Variants in PCDHGA8 observed in about 807,000 individuals in gnomAD.
PCDHGA8 encodes protocadherin gamma-A8.
In PCDHGA8, 45 loss-of-function variants were observed where a neutral mutation model predicts 59.2. The ratio of observed to expected loss-of-function variants is 0.76; its 90% CI spans 0.60 to 0.98. The LOEUF is 0.98. Among genes scored for constraint, PCDHGA8 ranks in the 50% least tolerant of loss-of-function variants. PCDHGA8 has a pLI of 0.00. For missense variants in PCDHGA8, 1,257 were observed against 1,196.2 expected (o/e 1.05, Z -0.75); for synonymous variants, 531 against 519.0 (o/e 1.02, Z -0.32).
Position 141,485,633 on chromosome 5 carries a change from T to C in PCDHGA8, c.2425-9174T>C. 2 of 1,611,808 alleles carry C rather than the reference T, an allele frequency of 1.2e-6. No homozygotes were observed. Among genetic ancestry groups the C allele is most frequent in the South Asian group, 1.1e-5 (1 of 90,962 alleles). On this transcript the variant is annotated intron_variant, in intron 1 of 3. Coordinates refer to ENST00000398604, the MANE Select transcript of PCDHGA8 (RefSeq NM_032088.2). The surrounding 1 kb of genome is among the most constrained non-coding windows in gnomAD (Gnocchi z 5.7). Reference sequence around the variant, plus strand: ...AGCTCCTCCAGGACAGCGTTTCCCGTTGGAAAAGGCTCAGGATGCAGATGT... The same window carrying C: ...AGCTCCTCCAGGACAGCGTTTCCCGCTGGAAAAGGCTCAGGATGCAGATGT...
At chr5:141,404,381 T>A (rs762394525) in intron 1 of PCDHGA8, 5 of 1,613,954 alleles carry the variant, frequency 3.1e-6, no homozygotes, top group Middle Eastern at 1.6e-4. Context: ...CGTGATTGCC[T>A]ATGACCCTGA....
rs768074414 is a variant in PCDHGA8 at position 141,477,293 on chromosome 5, C to T, written c.2425-17514C>T. 8.1e-6 allele frequency: 13 copies of T among 1,614,180 alleles called. No homozygotes were observed. The highest frequency in any genetic ancestry group is 1.1e-5 in the Non-Finnish European group (13 of 1,180,036). ...CGGGCTGGTGACCTGCGAAGTTCCA[C>T]CGGGTCTCCCTTTCAGCCTTACTTC... On this transcript the variant is annotated intron_variant, in intron 1 of 3. Coordinates refer to ENST00000398604, the MANE Select transcript of PCDHGA8 (RefSeq NM_032088.2). This position sits in a 1 kb window ranked among gnomAD's most constrained non-coding sequence, Gnocchi z 4.9.
chr5:141,465,313 T>C (rs113508011), intron 1 of PCDHGA8, among the ~76,000 whole-genome samples: 5 of 152,312 alleles, frequency 3.3e-5, no homozygotes, highest in Admixed American at 6.5e-5. Context: ...AATTTAGCCA[T>C]GTCAATGCAG....
At chr5:141,408,558 T>A (rs748858215) in intron 1 of PCDHGA8, 48 of 1,613,898 alleles carry the variant, frequency 3.0e-5, no homozygotes, top group Non-Finnish European at 5.9e-6. Context: ...ATTTTTCATG[T>A]CATTGTGGTG....
chr5:141,510,251 C>T (rs569804850), intron 3 of PCDHGA8, among the ~76,000 whole-genome samples: 5 of 144,790 alleles, frequency 3.5e-5, no homozygotes, highest in South Asian at 4.3e-4. Flanking sequence ...CCAGGCTGGG[C>T]GACAGAGCAG....
At chr5:141,405,767 T>C (rs957910070) in intron 1 of PCDHGA8, among the ~76,000 whole-genome samples, 2 of 152,128 alleles carry the variant, frequency 1.3e-5, no homozygotes, top group African/African-American at 4.8e-5. Flanking sequence ...CGTGAGCCAC[T>C]GCGCCTGGCC....
intron 1 of PCDHGA8, chr5:141,419,582 T>A (rs1474193256): frequency 6.2e-7 from 1 of 1,611,894 alleles, no homozygotes. Context: ...CTCCGCGCTC[T>A]TCGACACAGT....
chr5:141,491,014 G>A lies in PCDHGA8; in HGVS notation c.2425-3793G>A, dbSNP rs761902295. On this transcript the variant is annotated intron_variant, in intron 1 of 3. Transcript: ENST00000398604. This position sits in a 1 kb window ranked among gnomAD's most constrained non-coding sequence, Gnocchi z 6.9. ...TCCTCCTGGCTCCTTGGTCACCAAG[G>A]TGACAGCCGTGGATGCTGATGCAGG... 6 of 1,614,134 alleles carry A rather than the reference G, an allele frequency of 3.7e-6. No individual in the cohort carries two copies. Among genetic ancestry groups the A allele is most frequent in the Non-Finnish European group, 4.2e-6 (5 of 1,180,044 alleles).
At chr5:141,442,848 T>C (rs1210778801) in intron 1 of PCDHGA8, among the ~76,000 whole-genome samples, 2 of 152,236 alleles carry the variant, frequency 1.3e-5, no homozygotes, top group Non-Finnish European at 2.9e-5. Context: ...ATCTTGGCCA[T>C]TGTAGTATGA....
chr5:141,483,588 A>G (rs2099583207), intron 1 of PCDHGA8, among the ~76,000 whole-genome samples: 1 of 152,112 alleles, frequency 6.6e-6, no homozygotes, highest in African/African-American at 2.4e-5. Flanking sequence ...AACACCTAAT[A>G]GGTCAGGCTG....
chr5:141,494,677 TGCCCCCTCTTA>T, intron 1 of PCDHGA8, 119 bp from the exon 2 acceptor site: 5 of 1,552,906 alleles, frequency 3.2e-6, no homozygotes, highest in Non-Finnish European at 4.4e-6. Flanking sequence ...AGTCCACCCC[TGCCCCCTCTTA>T]GTCCGTTTTC....
At chr5:141,419,443 C>A in intron 1 of PCDHGA8, 1 of 1,613,080 alleles carries the variant, frequency 6.2e-7, no homozygotes, top group Non-Finnish European at 8.5e-7. Context: ...TGCGCACCTT[C>A]GAGCTCACGC....
In PCDHGA8 at chr5:141,486,890, G is replaced by T; in HGVS notation, c.2425-7917G>T. On this transcript the variant is annotated intron_variant, in intron 1 of 3. Coordinates refer to ENST00000398604, the MANE Select transcript of PCDHGA8 (RefSeq NM_032088.2). The surrounding 1 kb of genome is among the most constrained non-coding windows in gnomAD (Gnocchi z 5.0). ...TGTGCTCCGTCCTCGGGCCCGGCCT[G>T]GTTCCTTATGTCCCCAAGCACTGCC... 6.2e-7 allele frequency: 1 copy of T among 1,614,242 alleles called. No individual in the cohort carries two copies. The highest frequency in any genetic ancestry group is 8.5e-7 in the Non-Finnish European group (1 of 1,180,048).
intron 1 of PCDHGA8, chr5:141,398,904 C>T: frequency 6.2e-7 from 1 of 1,613,930 alleles, no homozygotes; most frequent in Non-Finnish European, 8.5e-7. Context: ...CACCAGGCAC[C>T]ACTGTGTTGC....
Position 141,490,975 on chromosome 5 carries a change from C to T in PCDHGA8, c.2425-3832C>T. 1 of 1,614,056 alleles carries T rather than the reference C, an allele frequency of 6.2e-7. No individual in the cohort carries two copies. Among genetic ancestry groups the T allele is most frequent in the African/African-American group, 1.3e-5 (1 of 75,070 alleles). ...CTGGGAACACTCAGCCCCCCAGCGT[C>T]TCCCTCGCTCTGCTCCTCCTGGCTC... On this transcript the variant is annotated intron_variant, in intron 1 of 3. Coordinates refer to ENST00000398604, the MANE Select transcript of PCDHGA8 (RefSeq NM_032088.2). This position sits in a 1 kb window ranked among gnomAD's most constrained non-coding sequence, Gnocchi z 5.4.
intron 1 of PCDHGA8, chr5:141,413,949 T>C (rs1291474416): frequency 6.2e-7 from 1 of 1,613,218 alleles, no homozygotes; most frequent in African/African-American, 1.3e-5. Context: ...TTCCTGAGAA[T>C]TTGCCTGTGG....
chr5:141,393,120 C>T lies in PCDHGA8; in HGVS notation c.307C>T (p.Leu103=), dbSNP rs142751758. The T allele has an allele frequency of 9.0e-3, 14,600 of 1,613,382 alleles. 101 individuals carry two copies. The highest frequency in any genetic ancestry group is 0.01 in the Non-Finnish European group (11,861 of 1,179,884). Residue 103 remains leucine (L), a synonymous_variant, in exon 1 of 4, where the codon CTG becomes TTG. Transcript: ENST00000398604. ...GCTCTGCGCTCAGAGCCCGCGGTGT[C>T]TGATAAATATTAACACCCTGGTTGA... The part of the protein sequence containing the change: ...EELCAQSPRC[L]ININTLVEDK...
chr5:141,433,837 C>CAAA lies in PCDHGA8; in HGVS notation c.2424+38616_2424+38618dup, dbSNP rs56191208. The stretch of plus-strand genomic sequence containing the variant: ...GGGCAACAAGAGTGAAACTCTATCT[C>CAAA]AAAAAAAAAAAAAAAAAACTTTATC... On this transcript the variant is annotated intron_variant, in intron 1 of 3. Transcript: ENST00000398604. 4.3e-3 allele frequency among the ~76,000 whole-genome samples: 475 copies of CAAA among 111,672 alleles called. 6 individuals carry two copies. The highest frequency in any genetic ancestry group is 0.013 in the African/African-American group (431 of 32,292). The allele number at this position is 111,672 out of a possible 152,430, so 73.3% of individuals were successfully genotyped here.
rs770354956 is a variant in PCDHGA8, at chr5:141,399,731, C to T, written c.2424+4494C>T. Reference sequence around the variant, plus strand: ...ACACTACAGGCCCGCGACCAGGGCTCGCCTGCGCTCAGCGCAAACGTGAGC... The same window carrying T: ...ACACTACAGGCCCGCGACCAGGGCTTGCCTGCGCTCAGCGCAAACGTGAGC... On this transcript the variant is annotated intron_variant, in intron 1 of 3. Transcript: ENST00000398604. 229 of 1,613,292 alleles carry T rather than the reference C, an allele frequency of 1.4e-4. No homozygotes were observed. The highest frequency in any genetic ancestry group is 1.8e-4 in the Non-Finnish European group (217 of 1,179,878).
Sources: allele counts gnomAD v4.1 joint callset (sites outside exome capture counted in the v4.1 genomes callset), GRCh38; gene constraint gnomAD v4.1.1; non-coding constraint Gnocchi (gnomAD v3.1); transcripts MANE v1.5; gene names NCBI Gene and HGNC (gene_info 2026-07-23, HGNC 2026-07-21).